The following TRAP1 variants were observed in gnomAD, a reference collection of about 807,000 sequenced individuals.
The protein encoded by TRAP1 is TNF receptor associated protein 1, also known as heat shock protein 75 kDa, mitochondrial.
A neutral mutation model predicts 89.1 loss-of-function variants in TRAP1; 102 were observed. The ratio of observed to expected loss-of-function variants is 1.15; its 90% CI spans 0.98 to 1.35. TRAP1 has a LOEUF of 1.35. Among genes scored for constraint, TRAP1 ranks in the 40% most tolerant of loss-of-function variants. The probability of loss-of-function intolerance (pLI) is 0.00; values close to 1 mark genes in which losing one functional copy is unlikely to be tolerated. For synonymous variants in TRAP1, 508 were observed against 388.0 expected (o/e 1.31, Z -3.64); for missense variants, 1,256 against 945.3 (o/e 1.33, Z -4.31).
At chr16:3,685,945 T>C in intron 4 of TRAP1, 51 bp downstream of exon 4, 1 of 1,596,170 alleles carries the variant, frequency 6.3e-7, no homozygotes, top group Non-Finnish European at 8.6e-7. Flanking sequence ...GCGGATCCTG[T>C]CCTTGCTGCA....
At chr16:3,714,275 T>C (rs915346342) in intron 1 of TRAP1, among the ~76,000 whole-genome samples, 10 of 152,256 alleles carry the variant, frequency 6.6e-5, no homozygotes, top group South Asian at 2.1e-4. Flanking sequence ...CTCGGGGGCA[T>C]TGGAAATGTA....
chr16:3,667,084 G>C (rs1237480198), intron 11 of TRAP1, among the ~76,000 whole-genome samples: 2 of 152,128 alleles, frequency 1.3e-5, no homozygotes, highest in African/African-American at 4.8e-5. Flanking sequence ...CCTGGGAGCG[G>C]GGGGACAGTA....
At chr16:3,714,581 C>T (rs548736047) in intron 1 of TRAP1, among the ~76,000 whole-genome samples, 1 of 152,184 alleles carries the variant, frequency 6.6e-6, no homozygotes, top group African/African-American at 2.4e-5. Flanking sequence ...ATCACTCGAA[C>T]CCAGGAGGCG....
At position 3,682,131 on chromosome 16, in the gene TRAP1, T is replaced by C. The variant is rs1405390618; in HGVS notation, c.472-2341A>G. ...GGATGATAGGTCTATTAACAGATAG[T>C]ACTGAAACAACTGTACACCCATAAA... On this transcript the variant is annotated intron_variant, in intron 4 of 17. Coordinates refer to ENST00000246957, the MANE Select transcript of TRAP1 (RefSeq NM_016292.3). Among the ~76,000 whole-genome samples the C allele has an allele frequency of 2.6e-5, 4 of 152,254 alleles. 1 individual carries two copies. The South Asian group carries it at 6.2e-4, about 24-fold the overall frequency.
intron 17 of TRAP1, 78 bp downstream of exon 17, chr16:3,658,715 C>A (rs945418165): frequency 1.5e-6 from 2 of 1,354,788 alleles, no homozygotes; most frequent in African/African-American, 2.9e-5. Context: ...TTAGAGGAAA[C>A]CGCTGTTCCA....
intron 2 of TRAP1, 112 bp from the exon 3 acceptor site, chr16:3,689,249 T>G (rs1036538199): frequency 9.3e-5 from 86 of 923,818 alleles, no homozygotes; most frequent in Non-Finnish European, 1.3e-4. Flanking sequence ...AAACTTTTTT[T>G]TTTTTTTTTT....
intron 4 of TRAP1, among the ~76,000 whole-genome samples, chr16:3,682,209 A>G (rs1223863779): frequency 6.6e-6 from 1 of 152,126 alleles, no homozygotes; most frequent in African/African-American, 2.4e-5. Context: ...ATTAACTTGA[A>G]ATGGATCATA....
At chr16:3,714,747 G>C (rs758475211) in intron 1 of TRAP1, among the ~76,000 whole-genome samples, 2 of 152,188 alleles carry the variant, frequency 1.3e-5, no homozygotes, top group Non-Finnish European at 2.9e-5. Flanking sequence ...AGAGGGCTGA[G>C]CTCATGGGTG....
Position 3,685,980 on chromosome 16 carries a change from A to T in TRAP1, c.471+16T>A. 6.2e-7 allele frequency: 1 copy of T among 1,612,736 alleles called. No homozygotes were observed. Among genetic ancestry groups the T allele is most frequent in the Non-Finnish European group, 8.5e-7 (1 of 1,179,318 alleles). On this transcript the variant is annotated intron_variant, in intron 4 of 17. Transcript: ENST00000246957. Reference sequence around the variant, plus strand: ...ATGGCCGGGCCTGCCACACGCCTGGACACTGAGGGAGGTACCTGGATGGTG... The same window carrying T: ...ATGGCCGGGCCTGCCACACGCCTGGTCACTGAGGGAGGTACCTGGATGGTG...
At chr16:3,671,825 T>C (rs759059569) in intron 10 of TRAP1, 34 bp from the exon 11 acceptor site, 3 of 1,606,428 alleles carry the variant, frequency 1.9e-6, no homozygotes, top group South Asian at 2.2e-5. Context: ...CTCCCGGGGC[T>C]GCGGCCCTCC....
intron 1 of TRAP1, among the ~76,000 whole-genome samples, chr16:3,714,476 T>C (rs563901993): frequency 3.9e-5 from 6 of 152,180 alleles, no homozygotes; most frequent in African/African-American, 9.6e-5. Context: ...CTGGCCAGCA[T>C]AGTGAAACCC....
chr16:3,674,978 G>T, intron 8 of TRAP1: 1 of 341,010 alleles, frequency 2.9e-6, no homozygotes, highest in Non-Finnish European at 5.5e-6. Flanking sequence ...GTGGGGAAAG[G>T]GCTGCTTTTT....
intron 3 of TRAP1, chr16:3,687,128 T>C (rs77549576): frequency 6.6e-6 from 1 of 152,180 alleles, no homozygotes; most frequent in Non-Finnish European, 1.5e-5. Flanking sequence ...TCCCACGTGT[T>C]GTGGGAAGGA....
chr16:3,679,118 C>T (rs1053597390), intron 5 of TRAP1, among the ~76,000 whole-genome samples: 2 of 151,954 alleles, frequency 1.3e-5, no homozygotes, highest in South Asian at 2.1e-4. Flanking sequence ...GGTGAAACCC[C>T]GTCTCTACTA....
At chr16:3,692,966 G>GT (rs34085145) in intron 1 of TRAP1, among the ~76,000 whole-genome samples, 6,992 of 143,806 alleles carry the variant, frequency 0.049, 177 homozygotes, top group Admixed American at 0.062. Flanking sequence ...TTTTGTTTTT[G>GT]TTTTTTTTTG....
intron 1 of TRAP1, among the ~76,000 whole-genome samples, chr16:3,691,607 C>G (rs1366892106): frequency 6.6e-6 from 1 of 152,096 alleles, no homozygotes; most frequent in Non-Finnish European, 1.5e-5. Flanking sequence ...TGTCTCGACC[C>G]TCGCAGCCCC....
At chr16:3,699,220 C>T (rs915934388) in intron 1 of TRAP1, among the ~76,000 whole-genome samples, 11 of 152,196 alleles carry the variant, frequency 7.2e-5, no homozygotes, top group Non-Finnish European at 2.9e-5. Flanking sequence ...CCTTCCCATC[C>T]GAGTTGCTGC....
intron 4 of TRAP1, among the ~76,000 whole-genome samples, chr16:3,680,854 G>A (rs956159189): frequency 6.6e-6 from 1 of 152,206 alleles, no homozygotes; most frequent in African/African-American, 2.4e-5. Flanking sequence ...CACTGCCTGA[G>A]TCAAAGGGCC....
At chr16:3,699,373 C>G (rs559181887) in intron 1 of TRAP1, among the ~76,000 whole-genome samples, 1 of 152,182 alleles carries the variant, frequency 6.6e-6, no homozygotes, top group African/African-American at 2.4e-5. Flanking sequence ...CGCAGTGGCT[C>G]ACACCATAAT....
Sources: gnomAD v4.1 joint callset for allele counts (sites outside exome capture counted in the v4.1 genomes callset) on GRCh38, gnomAD v4.1.1 for gene constraint, MANE v1.5 for transcripts, NCBI Gene and HGNC (gene_info 2026-07-23, HGNC 2026-07-21) for gene names.